The following TSHZ3 variants were observed in gnomAD, a reference collection of about 807,000 sequenced individuals.
TSHZ3 encodes the protein teashirt zinc finger homeobox 3, also known as teashirt homolog 3.
TSHZ3 carries 10 observed loss-of-function variants against 64.5 expected under a neutral mutation model. The observed-to-expected ratio is 0.16, with a 90% confidence interval of 0.10 to 0.26. The LOEUF is 0.26. Among genes scored for constraint, TSHZ3 ranks in the 10% least tolerant of loss-of-function variants. The probability of loss-of-function intolerance (pLI) is 1.00; values close to 1 mark genes in which losing one functional copy is unlikely to be tolerated. For synonymous variants in TSHZ3, 608 were observed against 593.1 expected (o/e 1.03, Z -0.36); for missense variants, 1,242 against 1,421.7 (o/e 0.87, Z 2.03).
chr19:31,168,729 C>T (rs563765535), intron 5 of TSHZ3, among the ~76,000 whole-genome samples: 70 of 152,270 alleles, frequency 4.6e-4, no homozygotes, highest in Middle Eastern at 3.4e-3. Flanking sequence ...TTTCATTCCC[C>T]TCTGTGCCTT....
chr19:31,212,478 A>C (rs949564102), intron 4 of TSHZ3, among the ~76,000 whole-genome samples: 1 of 152,130 alleles, frequency 6.6e-6, no homozygotes, highest in Non-Finnish European at 1.5e-5. Context: ...ATAAATAAAG[A>C]AAAATAAAAA....
chr19:31,306,754 T>C (rs952607242), intron 1 of TSHZ3, among the ~76,000 whole-genome samples: 7 of 152,160 alleles, frequency 4.6e-5, no homozygotes, highest in Non-Finnish European at 1.0e-4. Flanking sequence ...TTCTTTAGGG[T>C]TACACGTGTA....
chr19:31,280,430 T>C (rs1270936316), intron 1 of TSHZ3, among the ~76,000 whole-genome samples: 2 of 151,634 alleles, frequency 1.3e-5, no homozygotes, highest in South Asian at 2.1e-4. Flanking sequence ...TTCGTTCCAG[T>C]TGAGAGGAAA....
At chr19:31,271,385 A>T (rs1319528683), downstream of TSHZ3, among the ~76,000 whole-genome samples, 4 of 152,110 alleles carry the variant, frequency 2.6e-5, no homozygotes, top group African/African-American at 7.2e-5. Context: ...AAAAATAAGC[A>T]AACTCCCTGG....
chr19:31,232,291 A>C (rs1359750210), intron 3 of TSHZ3, among the ~76,000 whole-genome samples: 1 of 152,214 alleles, frequency 6.6e-6, no homozygotes, highest in Non-Finnish European at 1.5e-5. Context: ...CTGAAAAAAA[A>C]GTCAATGAAT....
intron 5 of TSHZ3, among the ~76,000 whole-genome samples, chr19:31,173,195 C>G (rs75898091): frequency 6.6e-6 from 1 of 152,034 alleles, no homozygotes; most frequent in Non-Finnish European, 1.5e-5. Flanking sequence ...GTTGTGGATG[C>G]GAGAATATTC....
At chr19:31,266,098 G>T (rs1976050536) in intron 1 of TSHZ3, among the ~76,000 whole-genome samples, 2 of 152,070 alleles carry the variant, frequency 1.3e-5, no homozygotes, top group African/African-American at 4.8e-5. Context: ...TTGTTAACTG[G>T]GATCCACCAC....
intron 1 of TSHZ3, among the ~76,000 whole-genome samples, chr19:31,304,915 T>G (rs1257575472): frequency 6.6e-6 from 1 of 152,250 alleles, no homozygotes; most frequent in Non-Finnish European, 1.5e-5. Flanking sequence ...TCACAGCAAC[T>G]GTAATAAGGG....
chr19:31,230,480 T>A (rs1054083514), intron 3 of TSHZ3, among the ~76,000 whole-genome samples: 1 of 152,102 alleles, frequency 6.6e-6, no homozygotes, highest in Non-Finnish European at 1.5e-5. Flanking sequence ...CTTAAAAACA[T>A]TAACTTTTAT....
At chr19:31,187,136 A>G (rs1974824111) in intron 5 of TSHZ3, among the ~76,000 whole-genome samples, 1 of 152,182 alleles carries the variant, frequency 6.6e-6, no homozygotes. Context: ...GTCACCCCAA[A>G]TGACTCTAAC....
In TSHZ3 at chr19:31,278,111, TTCA is replaced by T. The variant is rs1477221316; in HGVS notation, c.1679_1681del (p.Met560del). The T allele has an allele frequency of 1.2e-6, 2 of 1,613,746 alleles. No homozygotes were observed. The highest frequency in any genetic ancestry group is 1.3e-5 in the African/African-American group (1 of 74,898). ...CTTCCCCGACGAGCCCAGGGACAAC[TTCA>T]TCATGTTGGGAAGTTGGTAGGCGGC... is the stretch of plus-strand genomic sequence containing the variant. On this transcript the variant is annotated inframe_deletion, in exon 2 of 2. Coordinates refer to ENST00000240587, the MANE Select transcript of TSHZ3 (RefSeq NM_020856.4). The surrounding 1 kb of genome is among the most constrained non-coding windows in gnomAD (Gnocchi z 4.7).
At chr19:31,263,476 G>A (rs1447347657) in intron 1 of TSHZ3, among the ~76,000 whole-genome samples, 2 of 152,226 alleles carry the variant, frequency 1.3e-5, no homozygotes, top group South Asian at 2.1e-4. Flanking sequence ...GAGCTGCGAA[G>A]GCATGAAGGA....
Position 31,279,900 on chromosome 19 carries a change from A to G in TSHZ3, c.41-148T>C. 1.9e-6 allele frequency: 1 copy of G among 538,836 alleles called. No homozygotes were observed. The highest frequency in any genetic ancestry group is 2.9e-6 in the Non-Finnish European group (1 of 340,330). 33.4% of individuals were successfully genotyped at this position (538,836 alleles called of 1,614,324 possible). ...CTCTCAGGAAAACACAGCAACCCAG[A>G]TGGGTACATGTATTTGTAAAATTAA... is the stretch of plus-strand genomic sequence containing the variant. On this transcript the variant is annotated intron_variant, in intron 1 of 1. Transcript: ENST00000240587. This position sits in a 1 kb window ranked among gnomAD's most constrained non-coding sequence, Gnocchi z 6.4.
chr19:31,349,403 C>G lies in TSHZ3; in HGVS notation c.-184G>C. 1 of 440,580 alleles carries G rather than the reference C, an allele frequency of 2.3e-6. No homozygotes were observed. Among genetic ancestry groups the G allele is most frequent in the South Asian group, 7.3e-5 (1 of 13,762 alleles). The allele number at this position is 440,580 out of a possible 1,614,324, so 27.3% of individuals were successfully genotyped here. On this transcript the variant is annotated 5_prime_UTR_variant, in exon 1 of 2. Coordinates refer to ENST00000240587, the MANE Select transcript of TSHZ3 (RefSeq NM_020856.4). The stretch of plus-strand genomic sequence containing the variant: ...CTCCGCGTCCCCCCCGCGCCGCGCT[C>G]CGCCGCGAACCCCGAACGTGCGGAG...
At chr19:31,345,922 T>C (rs1250173177) in intron 1 of TSHZ3, among the ~76,000 whole-genome samples, 1 of 152,094 alleles carries the variant, frequency 6.6e-6, no homozygotes, top group Non-Finnish European at 1.5e-5. Context: ...TCCTCTGAGC[T>C]TCTAAAAGCA....
intron 1 of TSHZ3, among the ~76,000 whole-genome samples, chr19:31,315,144 G>A (rs1168625180): frequency 2.0e-5 from 3 of 152,226 alleles, no homozygotes; most frequent in Non-Finnish European, 2.9e-5. Context: ...AGAAATGTAT[G>A]AGCTACCTGG....
At chr19:31,347,484 G>A (rs1358908122) in intron 1 of TSHZ3, among the ~76,000 whole-genome samples, 1 of 152,164 alleles carries the variant, frequency 6.6e-6, no homozygotes, top group African/African-American at 2.4e-5. Context: ...AAGACTGGAA[G>A]AAGCCCAAGA....
chr19:31,205,256 G>C (rs183577765), intron 4 of TSHZ3, among the ~76,000 whole-genome samples: 1 of 152,138 alleles, frequency 6.6e-6, no homozygotes, highest in Non-Finnish European at 1.5e-5. Flanking sequence ...CTAAGCCTGC[G>C]ATACCACAAT....
intron 1 of TSHZ3, among the ~76,000 whole-genome samples, chr19:31,294,554 T>C (rs947642788): frequency 4.6e-5 from 7 of 152,184 alleles, no homozygotes; most frequent in African/African-American, 1.7e-4. Context: ...AAAAAATCAT[T>C]CTAGCCTGCT....
Sources: allele counts gnomAD v4.1 joint callset (sites outside exome capture counted in the v4.1 genomes callset), GRCh38; gene constraint gnomAD v4.1.1; non-coding constraint Gnocchi (gnomAD v3.1); transcripts MANE v1.5; gene names NCBI Gene and HGNC (gene_info 2026-07-23, HGNC 2026-07-21).